Variants in LIMCH1 observed in about 807,000 individuals in gnomAD.
The protein encoded by LIMCH1 is LIM and calponin homology domains 1.
Under a neutral mutation model 176.5 loss-of-function variants are expected in LIMCH1, and 113 were observed. The ratio of observed to expected loss-of-function variants is 0.64; its 90% confidence interval spans 0.55 to 0.75. LIMCH1 has a LOEUF of 0.75. Ranked by LOEUF, LIMCH1 falls within the 30% of genes least tolerant of loss-of-function variation. The pLI is 0.00. For missense variants in LIMCH1, 1,674 were observed against 1,814.9 expected (o/e 0.92, Z 1.41); for synonymous variants, 619 against 645.9 (o/e 0.96, Z 0.63).
At chr4:41,417,830 G>A (rs7660173) in intron 1 of LIMCH1, among the ~76,000 whole-genome samples, 30,370 of 152,002 alleles carry the variant, frequency 0.2, 3,199 homozygotes, top group Admixed American at 0.26. Flanking sequence ...AGCCTCTAGA[G>A]GGTATTTTAA....
intron 4 of LIMCH1, chr4:41,612,767 G>A: frequency 3.9e-6 from 3 of 762,660 alleles, no homozygotes; most frequent in South Asian, 1.8e-5. Flanking sequence ...CTCCCCCAGC[G>A]CCAAGAGCTG....
intron 7 of LIMCH1, among the ~76,000 whole-genome samples, chr4:41,625,012 A>G (rs1309543334): frequency 6.6e-6 from 1 of 152,150 alleles, no homozygotes; most frequent in Non-Finnish European, 1.5e-5. Context: ...TGTGCCCCCA[A>G]AGCAACTCCT....
intron 16 of LIMCH1, 52 bp downstream of exon 16, chr4:41,646,332 T>A (rs1215904196): frequency 6.5e-7 from 1 of 1,548,264 alleles, no homozygotes. Context: ...TAGGTGTTTT[T>A]TTTTTCTAAA....
intron 1 of LIMCH1, among the ~76,000 whole-genome samples, chr4:41,580,175 C>T (rs1290825732): frequency 2.0e-5 from 3 of 152,122 alleles, no homozygotes; most frequent in African/African-American, 4.8e-5. Flanking sequence ...TAAGTGAATG[C>T]GTTTCGTGTC....
At chr4:41,492,636 A>G (rs1234634657) in intron 1 of LIMCH1, among the ~76,000 whole-genome samples, 2 of 152,186 alleles carry the variant, frequency 1.3e-5, no homozygotes, top group Non-Finnish European at 2.9e-5. Context: ...TATTTGGTAG[A>G]TAGTGTTGGT....
At chr4:41,367,862 A>G (rs925057347) in intron 1 of LIMCH1, among the ~76,000 whole-genome samples, 2 of 123,956 alleles carry the variant, frequency 1.6e-5, no homozygotes, top group African/African-American at 3.2e-5. Flanking sequence ...GCGAGACTCC[A>G]TCATAAAAAA....
intron 1 of LIMCH1, among the ~76,000 whole-genome samples, chr4:41,479,708 TA>T (rs1582876377): frequency 6.6e-6 from 1 of 152,232 alleles, no homozygotes; most frequent in African/African-American, 2.4e-5. Flanking sequence ...TTATGTCTCA[TA>T]AATCTCTTAT....
chr4:41,390,239 GGAGAGA>G lies in LIMCH1; in HGVS notation c.96+29333_96+29338del, dbSNP rs34011822. ...TCTGCTCTACCTGCATCTCTCTCAGGGAGAGAGAGAGAGAGAGAGAGAGAGAGAGAG... is the reference window on the plus strand; with the variant it reads ...TCTGCTCTACCTGCATCTCTCTCAGGGAGAGAGAGAGAGAGAGAGAGAGAG... On this transcript the variant is annotated intron_variant, in intron 1 of 26. Coordinates refer to the LIMCH1 transcript ENST00000313860. 1.2e-3 allele frequency among the ~76,000 whole-genome samples: 170 copies of G among 138,420 alleles called. 1 individual carries two copies. The highest frequency in any genetic ancestry group is 2.4e-3 in the East Asian group (11 of 4,656). 90.8% of individuals were successfully genotyped at this position (138,420 alleles called of 152,430 possible).
At chr4:41,557,518 G>A (rs2152539200) in intron 1 of LIMCH1, among the ~76,000 whole-genome samples, 1 of 150,926 alleles carries the variant, frequency 6.6e-6, no homozygotes, top group African/African-American at 2.5e-5. Context: ...ATGTTAAAAT[G>A]TGTGTGTTTT....
chr4:41,419,580 T>G lies in LIMCH1; in HGVS notation c.96+58644T>G, dbSNP rs540603469. On this transcript the variant is annotated intron_variant, in intron 1 of 26. Coordinates refer to the LIMCH1 transcript ENST00000313860. The stretch of plus-strand genomic sequence containing the variant: ...CCTTTCCCCTTCCTTCCTTCCTTCC[T>G]TCCTTCCTTCCTTCCTTCCTTCCGT... Among the ~76,000 whole-genome samples, 54 of 80,550 alleles carry G rather than the reference T, an allele frequency of 6.7e-4. No individual in the cohort carries two copies. In the East Asian group the frequency reaches 9.4e-3, roughly 14 times the overall value. 52.8% of individuals were successfully genotyped at this position (80,550 alleles called of 152,430 possible).
intron 22 of LIMCH1, among the ~76,000 whole-genome samples, chr4:41,675,254 C>T (rs550643435): frequency 3.3e-5 from 5 of 151,814 alleles, no homozygotes; most frequent in African/African-American, 1.2e-4. Flanking sequence ...ACCCGCCATG[C>T]ACCTGAATGG....
At chr4:41,591,966 T>G (rs75027680) in intron 1 of LIMCH1, among the ~76,000 whole-genome samples, 1 of 152,148 alleles carries the variant, frequency 6.6e-6, no homozygotes, top group Non-Finnish European at 1.5e-5. Flanking sequence ...AGAAACCTTT[T>G]TGCAGATGGA....
chr4:41,670,237 T>C (rs1179738028), intron 21 of LIMCH1, among the ~76,000 whole-genome samples: 1 of 152,192 alleles, frequency 6.6e-6, no homozygotes, highest in African/African-American at 2.4e-5. Flanking sequence ...CAGAAAGGCA[T>C]ATACTCAACC....
intron 1 of LIMCH1, chr4:41,473,324 C>A: frequency 6.7e-6 from 2 of 300,132 alleles, no homozygotes; most frequent in Non-Finnish European, 9.8e-6. Context: ...ATGGATGAGG[C>A]TGAAGAGACC....
intron 23 of LIMCH1, among the ~76,000 whole-genome samples, chr4:41,678,573 G>A (rs1056681891): frequency 3.3e-5 from 5 of 152,214 alleles, no homozygotes; most frequent in African/African-American, 1.2e-4. Flanking sequence ...GCTCCTCACT[G>A]TGGTGCTCTA....
At chr4:41,388,929 C>T (rs1294531385) in intron 1 of LIMCH1, among the ~76,000 whole-genome samples, 1 of 152,230 alleles carries the variant, frequency 6.6e-6, no homozygotes, top group Non-Finnish European at 1.5e-5. Context: ...AGGCGTGAGC[C>T]ACTGCACCCA....
chr4:41,667,801 A>G (rs2094880801), intron 21 of LIMCH1, among the ~76,000 whole-genome samples: 1 of 152,092 alleles, frequency 6.6e-6, no homozygotes, highest in Non-Finnish European at 1.5e-5. Flanking sequence ...CAAAACAACT[A>G]GACCGCTGAG....
intron 1 of LIMCH1, among the ~76,000 whole-genome samples, chr4:41,473,696 T>C (rs1309329958): frequency 6.6e-6 from 1 of 152,018 alleles, no homozygotes; most frequent in South Asian, 2.1e-4. Context: ...AAAGCAAAAA[T>C]AGACAAATGA....
intron 1 of LIMCH1, among the ~76,000 whole-genome samples, chr4:41,464,145 C>A (rs141821916): frequency 3.3e-5 from 5 of 151,694 alleles, no homozygotes; most frequent in African/African-American, 1.2e-4. Flanking sequence ...TGGTCCTTGT[C>A]CCACCCACAT....
Sources: allele counts gnomAD v4.1 joint callset (sites outside exome capture counted in the v4.1 genomes callset), GRCh38; gene constraint gnomAD v4.1.1; transcripts MANE v1.5; gene names NCBI Gene and HGNC (gene_info 2026-07-23, HGNC 2026-07-21).